VWF: variants seen among roughly 807,000 people sequenced by gnomAD.
The protein encoded by VWF is Factor VIII related antigen.
In VWF, 176 loss-of-function variants were observed where a neutral mutation model predicts 308.6. The observed-to-expected ratio is 0.57, with a 90% confidence interval of 0.50 to 0.65. The LOEUF (loss-of-function observed/expected upper bound fraction) is 0.65. Ranked by LOEUF, VWF falls within the 30% of genes least tolerant of loss-of-function variation. The pLI is 0.00. For missense variants in VWF, 3,146 were observed against 3,648.2 expected (o/e 0.86, Z 3.55); for synonymous variants, 1,385 against 1,443.4 (o/e 0.96, Z 0.92).
intron 3 of VWF, among the ~76,000 whole-genome samples, chr12:6,118,376 CTTTTTTTTTTTTTTTT>C (rs71064189): frequency 0.085 from 5,613 of 65,962 alleles, 479 homozygotes; most frequent in African/African-American, 0.26. Context: ...CCTCTGGTCA[CTTTTTTTTTTTTTTTT>C]TTTTTTTTTT....
At chr12:6,080,532 T>C (rs1944898125) in intron 6 of VWF, among the ~76,000 whole-genome samples, 1 of 152,178 alleles carries the variant, frequency 6.6e-6, no homozygotes, top group South Asian at 2.1e-4. Flanking sequence ...ACATAGGACT[T>C]AGGCTGCAGG....
chr12:6,083,345 C>T (rs1453883773), intron 6 of VWF, among the ~76,000 whole-genome samples: 1 of 152,172 alleles, frequency 6.6e-6, no homozygotes, highest in Non-Finnish European at 1.5e-5. Context: ...CCAAAGTGGG[C>T]AGATCACTTG....
chr12:6,034,875 G>C, intron 19 of VWF, 49 bp from the exon 20 acceptor site: 1 of 1,610,068 alleles, frequency 6.2e-7, no homozygotes, highest in Non-Finnish European at 8.5e-7. Flanking sequence ...TTGGGTTTGA[G>C]GGGCCCATCT....
chr12:6,100,608 T>C (rs10849383), intron 5 of VWF, among the ~76,000 whole-genome samples: 21,821 of 151,940 alleles, frequency 0.14, 1,937 homozygotes, highest in East Asian at 0.42. Context: ...TGGATGAAAT[T>C]GGAAATCATC....
At position 6,102,216 on chromosome 12, in the gene VWF, C is replaced by T. The variant is rs761419009; in HGVS notation, c.533-6632G>A. Among the ~76,000 whole-genome samples, 63 of 152,254 alleles carry T rather than the reference C, an allele frequency of 4.1e-4. 1 individual carries two copies. Among genetic ancestry groups the T allele is most frequent in the Non-Finnish European group, 2.9e-4 (20 of 68,016 alleles). On this transcript the variant is annotated intron_variant, in intron 5 of 51. Transcript: ENST00000261405. ...CAGCACTTCGGGAGGCCGAGGTGGG[C>T]GGACCACTTGAGGTCAGGAGTTTGA...
rs187778542 is a variant in VWF, at chr12:6,047,144, G to A, written c.2187-327C>T. ...TCCTTCTCAGCCTCAGCTTTCATGT[G>A]CCCCCACTGCCTGGCCTTTCAATAT... is the stretch of plus-strand genomic sequence containing the variant. On this transcript the variant is annotated intron_variant, in intron 16 of 51. Coordinates refer to ENST00000261405, the MANE Select transcript of VWF (RefSeq NM_000552.5). 2.6e-3 allele frequency among the ~76,000 whole-genome samples: 389 copies of A among 152,056 alleles called. 2 individuals are homozygous for A. The highest frequency in any genetic ancestry group is 8.9e-3 in the African/African-American group (368 of 41,454).
At chr12:6,092,152 C>G (rs1201483757) in intron 6 of VWF, among the ~76,000 whole-genome samples, 2 of 152,060 alleles carry the variant, frequency 1.3e-5, no homozygotes, top group Non-Finnish European at 2.9e-5. Flanking sequence ...CCTAAGCCCC[C>G]CTACCGACTA....
intron 5 of VWF, among the ~76,000 whole-genome samples, chr12:6,101,503 G>A (rs866344059): frequency 4.6e-5 from 7 of 152,146 alleles, no homozygotes; most frequent in Non-Finnish European, 1.0e-4. Context: ...CAGGCCAGGC[G>A]CGGTGGCTCA....
In VWF at chr12:6,031,483, G is replaced by C; in HGVS notation, c.2781C>G (p.Ile927Met). Residue 927 changes from isoleucine to methionine, a missense_variant, in exon 21 of 52, where the codon ATC (isoleucine) becomes ATG (methionine). By Grantham distance (10) the Ile-to-Met change is conservative. Around this residue, in one of 3 missense-constraint regions of VWF, gnomAD observed 1,304 missense variants for 1,353.0 expected, o/e 0.96. Transcript: ENST00000261405. ...PSVKCKKRVTILVEGGEIELF... is the reference protein window; with the variant it reads ...PSVKCKKRVTMLVEGGEIELF... The stretch of plus-strand genomic sequence containing the variant: ...GCTCAATCTCTCCTCCCTCCACCAG[G>C]ATGGTGACCCGTTTCTTGCATTTCA... 1 of 1,614,132 alleles carries C rather than the reference G, an allele frequency of 6.2e-7. No individual in the cohort carries two copies. The highest frequency in any genetic ancestry group is 8.5e-7 in the Non-Finnish European group (1 of 1,180,022).
At chr12:5,983,303 CTT>C (rs779469342) in intron 40 of VWF, 49 bp from the exon 41 acceptor site, 4 of 1,564,656 alleles carry the variant, frequency 2.6e-6, no homozygotes, top group South Asian at 2.3e-5. Flanking sequence ...AAAGGTTACT[CTT>C]TTATTACCTG....
chr12:6,096,677 G>A (rs914498672), intron 5 of VWF, among the ~76,000 whole-genome samples: 2 of 152,190 alleles, frequency 1.3e-5, no homozygotes, highest in African/African-American at 4.8e-5. Context: ...CAGCATCTGT[G>A]CTTTAGTACT....
chr12:5,965,326 C>T (rs1284529760), intron 47 of VWF, among the ~76,000 whole-genome samples: 2 of 152,130 alleles, frequency 1.3e-5, no homozygotes, highest in Admixed American at 6.5e-5. Context: ...ATTTCATCGA[C>T]GGCTCGCAGC....
chr12:6,057,480 TTTATTA>T (rs10667650), intron 14 of VWF, among the ~76,000 whole-genome samples: 4,978 of 129,460 alleles, frequency 0.038, 120 homozygotes, highest in East Asian at 0.085. Flanking sequence ...GCCCGGCAAA[TTTATTA>T]TTATTATTAT....
chr12:5,986,880 A>C (rs976825475), intron 38 of VWF, among the ~76,000 whole-genome samples: 1 of 151,748 alleles, frequency 6.6e-6, no homozygotes, highest in Non-Finnish European at 1.5e-5. Context: ...TTGAATCCAA[A>C]TCCATGGTTT....
Position 6,044,424 on chromosome 12 carries a change from G to C in VWF, c.2309C>G (p.Pro770Arg). 6.2e-7 allele frequency: 1 copy of C among 1,614,188 alleles called. No individual in the cohort carries two copies. The part of the protein sequence containing the change: ...RSKRSLSCRP[P>R]MVKLVCPADN... ...AGCGGGACACACCAGCTTGACCATGGGGGGCCGACAGGATAGGCTCCTTTT... is the reference window on the plus strand; with the variant it reads ...AGCGGGACACACCAGCTTGACCATGCGGGGCCGACAGGATAGGCTCCTTTT... Residue 770 changes from proline (P) to arginine (R), a missense_variant, in exon 18 of 52, where the codon CCC becomes CGC. Pro to Arg is a moderately radical substitution (Grantham distance 103, BLOSUM62 -2). Coordinates refer to ENST00000261405, the MANE Select transcript of VWF (RefSeq NM_000552.5).
chr12:6,081,257 A>G (rs1196444235), intron 6 of VWF, among the ~76,000 whole-genome samples: 3 of 152,180 alleles, frequency 2.0e-5, no homozygotes, highest in Admixed American at 2.0e-4. Flanking sequence ...TCCTCAGACA[A>G]AGGCTGATAC....
At chr12:6,105,941 G>A (rs1297919653) in intron 5 of VWF, among the ~76,000 whole-genome samples, 1 of 152,166 alleles carries the variant, frequency 6.6e-6, no homozygotes, top group African/African-American at 2.4e-5. Context: ...TACTCAGGAG[G>A]CTGAGGCAGG....
At chr12:6,066,025 G>A (rs1007813730) in intron 10 of VWF, among the ~76,000 whole-genome samples, 1 of 152,208 alleles carries the variant, frequency 6.6e-6, no homozygotes, top group Admixed American at 6.5e-5. Context: ...CCTCGGCAGC[G>A]CCAGCTTCCC....
chr12:6,062,918 G>A, intron 13 of VWF, 36 bp downstream of exon 13: 3 of 1,564,870 alleles, frequency 1.9e-6, no homozygotes, highest in South Asian at 2.3e-5. Context: ...GTAAGGGTCG[G>A]GCCGCAGGGA....
Sources: allele counts gnomAD v4.1 joint callset (sites outside exome capture counted in the v4.1 genomes callset), GRCh38; gene constraint gnomAD v4.1.1; regional missense constraint gnomAD v4.1.1; transcripts MANE v1.5; gene names NCBI Gene and HGNC (gene_info 2026-07-23, HGNC 2026-07-21).